CHD1: variants seen among roughly 807,000 people sequenced by gnomAD.
The protein encoded by CHD1 is ATP-dependent chromatin remodeler CHD1.
Under a neutral mutation model 224.2 loss-of-function variants are expected in CHD1, and 36 were observed. The ratio of observed to expected loss-of-function variants is 0.16; its 90% CI spans 0.12 to 0.21. The LOEUF (loss-of-function observed/expected upper bound fraction) is 0.21, where lower values mean the gene tolerates loss of function less well. Among genes scored for constraint, CHD1 ranks in the 10% least tolerant of loss-of-function variants. The probability of loss-of-function intolerance (pLI) is 1.00; values close to 1 mark genes in which losing one functional copy is unlikely to be tolerated. For missense variants in CHD1, 1,378 were observed against 1,994.8 expected, an observed-to-expected ratio of 0.69 and a Z score of 5.89; for synonymous variants, 668 against 658.3, an observed-to-expected ratio of 1.01 and a Z score of -0.23.
intron 3 of CHD1, among the ~76,000 whole-genome samples, chr5:98,904,181 CAT>C (rs536019382): frequency 2.0e-5 from 3 of 152,148 alleles, no homozygotes; most frequent in Non-Finnish European, 4.4e-5. Context: ...TAGTGCTACT[CAT>C]AGTGTGGTTA....
chr5:98,893,658 A>C (rs750247977), intron 13 of CHD1, 52 bp from the exon 14 acceptor site: 2 of 1,166,360 alleles, frequency 1.7e-6, no homozygotes, highest in East Asian at 5.1e-5. Context: ...ATTCAAATTT[A>C]GCCTTCCCAT....
intron 2 of CHD1, among the ~76,000 whole-genome samples, chr5:98,921,105 T>C (rs1479916626): frequency 1.3e-5 from 2 of 152,192 alleles, no homozygotes; most frequent in East Asian, 1.9e-4. Context: ...ATCTGGAAAG[T>C]GGGAATCATA....
chr5:98,885,083 T>C (rs144830429), intron 18 of CHD1, among the ~76,000 whole-genome samples: 1,872 of 152,166 alleles, frequency 0.012, 20 homozygotes, highest in Non-Finnish European at 0.02. Flanking sequence ...GCTGAAACAT[T>C]ATTGATAATA....
rs577750377 is a variant in CHD1 at position 98,854,190 on chromosome 5, A to T, written c.*2190T>A. The T allele has an allele frequency of 3.0e-4, 45 of 152,008 alleles. No homozygotes were observed. Among genetic ancestry groups the T allele is most frequent in the African/African-American group, 1.1e-3 (45 of 41,482 alleles). 9.4% of individuals were successfully genotyped at this position (152,008 alleles called of 1,614,324 possible). On this transcript the variant is annotated 3_prime_UTR_variant, in exon 36 of 36. Transcript: ENST00000614616. The stretch of plus-strand genomic sequence containing the variant: ...TCTTAATTTTTCTGATTTCTTACAA[A>T]AATGAACATATTTTATCATTTGATA...
chr5:98,893,252 G>GT (rs1242556811), intron 14 of CHD1, among the ~76,000 whole-genome samples, 164 bp downstream of exon 14: 1 of 152,088 alleles, frequency 6.6e-6, no homozygotes, highest in Non-Finnish European at 1.5e-5. Flanking sequence ...AATTCAAATA[G>GT]TATTACAAAC....
At chr5:98,910,342 T>C (rs560073123) in intron 2 of CHD1, among the ~76,000 whole-genome samples, 55 of 152,316 alleles carry the variant, frequency 3.6e-4, no homozygotes, top group Admixed American at 7.2e-4. Context: ...TGCAATTCTT[T>C]TTGTTTTCAG....
rs764561824 is a variant in CHD1 at position 98,902,981 on chromosome 5, A to C, written c.373-17T>G. Reference sequence around the variant, plus strand: ...AGAGGAATCCTGTAGAAAAGAAATAAAGTCAGTATCATCCACTAATGATTA... The same window carrying C: ...AGAGGAATCCTGTAGAAAAGAAATACAGTCAGTATCATCCACTAATGATTA... On this transcript the variant is annotated splice_polypyrimidine_tract_variant and intron_variant, in intron 4 of 35. Coordinates refer to ENST00000614616, the MANE Select transcript of CHD1 (RefSeq NM_001270.4). 1.3e-6 allele frequency: 2 copies of C among 1,506,722 alleles called. No homozygotes were observed. Among genetic ancestry groups the C allele is most frequent in the Non-Finnish European group, 1.8e-6 (2 of 1,088,782 alleles). 93.3% of individuals were successfully genotyped at this position (1,506,722 alleles called of 1,614,324 possible).
At chr5:98,885,276 C>T (rs1484377505) in intron 18 of CHD1, among the ~76,000 whole-genome samples, 1 of 152,066 alleles carries the variant, frequency 6.6e-6, no homozygotes, top group African/African-American at 2.4e-5. Flanking sequence ...CCTGTAATCC[C>T]AGCTACTTGT....
chr5:98,903,013 A>T lies in CHD1; in HGVS notation c.373-49T>A, dbSNP rs749060260. On this transcript the variant is annotated intron_variant, in intron 4 of 35. Transcript: ENST00000614616. Reference sequence around the variant, plus strand: ...TATCATCCACTAATGATTAGAATTTAACCATATTAAATTTTTATTTGCTAT... The same window carrying T: ...TATCATCCACTAATGATTAGAATTTTACCATATTAAATTTTTATTTGCTAT... 7 of 1,152,726 alleles carry T rather than the reference A, an allele frequency of 6.1e-6. No homozygotes were observed. In the East Asian group the frequency reaches 1.7e-4, roughly 28 times the overall value. 71.4% of individuals were successfully genotyped at this position (1,152,726 alleles called of 1,614,324 possible).
chr5:98,926,596 T>C (rs76510485), intron 1 of CHD1, 62 bp from the exon 2 acceptor site: 10,656 of 354,882 alleles, frequency 0.03, 190 homozygotes, highest in Non-Finnish European at 0.039. Context: ...AATTAAGCCC[T>C]GTCTAAAACG....
intron 2 of CHD1, among the ~76,000 whole-genome samples, chr5:98,922,869 G>A (rs1753195183): frequency 6.6e-6 from 1 of 152,030 alleles, no homozygotes; most frequent in Non-Finnish European, 1.5e-5. Context: ...CATGCCTGTA[G>A]TCCCAGCTAC....
At chr5:98,920,173 T>C (rs1752998123) in intron 2 of CHD1, among the ~76,000 whole-genome samples, 1 of 152,136 alleles carries the variant, frequency 6.6e-6, no homozygotes, top group Admixed American at 6.5e-5. Flanking sequence ...CATAAATCCA[T>C]ACATATATAA....
At position 98,854,712 on chromosome 5, in the gene CHD1, G is replaced by A. The variant is rs1747894855; in HGVS notation, c.*1668C>T. On this transcript the variant is annotated 3_prime_UTR_variant, in exon 36 of 36. Transcript: ENST00000614616. ...AGCTTTTATACACATAAACCTAATT[G>A]GACAAAGGAAAATATTAAAAAATAC... 1.3e-5 allele frequency: 2 copies of A among 151,836 alleles called. No homozygotes were observed. 9.4% of individuals were successfully genotyped at this position (151,836 alleles called of 1,614,324 possible).
chr5:98,868,314 G>A (rs1162473747), intron 31 of CHD1, among the ~76,000 whole-genome samples, 181 bp downstream of exon 31: 1 of 125,966 alleles, frequency 7.9e-6, no homozygotes, highest in Non-Finnish European at 1.6e-5. Flanking sequence ...GCGACAGTGA[G>A]ATGCTAACTC....
At chr5:98,893,779 A>G (rs1017135651) in intron 13 of CHD1, among the ~76,000 whole-genome samples, 173 bp from the exon 14 acceptor site, 1 of 152,188 alleles carries the variant, frequency 6.6e-6, no homozygotes, top group African/African-American at 2.4e-5. Flanking sequence ...AACTCAGCAC[A>G]TATTCCTTCT....
In CHD1 at chr5:98,899,679, C is replaced by T; in HGVS notation, c.886G>A (p.Ala296Thr). Reference sequence around the variant, plus strand: ...TTTGGGTCACCATCTGCTTCAACTGCATAGATGGTTGTAGTAGCACCAGTA... The same window carrying T: ...TTTGGGTCACCATCTGCTTCAACTGTATAGATGGTTGTAGTAGCACCAGTA... ...GATGATTTIY[A>T]VEADGDPNAG... Residue 296 changes from alanine (A) to threonine (T), a missense_variant, in exon 8 of 36, where the codon GCA becomes ACA. By Grantham distance (58) the Ala-to-Thr change is moderately conservative. Coordinates refer to ENST00000614616, the MANE Select transcript of CHD1 (RefSeq NM_001270.4). 2.5e-6 allele frequency: 4 copies of T among 1,613,370 alleles called. No homozygotes were observed. Among genetic ancestry groups the T allele is most frequent in the Non-Finnish European group, 3.4e-6 (4 of 1,179,612 alleles).
At position 98,889,217 on chromosome 5, in the gene CHD1, G is replaced by A. The variant is rs767741479; in HGVS notation, c.2202C>T (p.Tyr734=). ...QYYKWILTRN[Y]KALSKGSKGS... ...CCTTGGAACCTTTGCTGAGGGCTTT[G>A]TAATTCCTAGTTAAAATCCATCTTA... Residue 734 remains tyrosine (Y), a synonymous_variant, in exon 16 of 36, where the codon TAC becomes TAT. Coordinates refer to ENST00000614616, the MANE Select transcript of CHD1 (RefSeq NM_001270.4). 2 of 1,577,950 alleles carry A rather than the reference G, an allele frequency of 1.3e-6. No homozygotes were observed. Among genetic ancestry groups the A allele is most frequent in the Non-Finnish European group, 8.6e-7 (1 of 1,166,872 alleles).
Position 98,856,115 on chromosome 5 carries a change from T to G in CHD1, c.*265A>C. 2 of 284,058 alleles carry G rather than the reference T, an allele frequency of 7.0e-6. No homozygotes were observed. The highest frequency in any genetic ancestry group is 1.4e-5 in the Non-Finnish European group (2 of 147,036). The allele number at this position is 284,058 out of a possible 1,614,324, so 17.6% of individuals were successfully genotyped here. On this transcript the variant is annotated 3_prime_UTR_variant, in exon 36 of 36. Transcript: ENST00000614616. ...TATGGGAGGGCAGTGTTGAGGTCCCTGTAATAGTAAACATTTTCCATTTCT... is the reference window on the plus strand; with the variant it reads ...TATGGGAGGGCAGTGTTGAGGTCCCGGTAATAGTAAACATTTTCCATTTCT...
In CHD1 at chr5:98,858,375, T is replaced by C. The variant is rs756295608; in HGVS notation, c.4592A>G (p.Lys1531Arg). The change falls in exon 35 of 36, where the codon AAA becomes AGA. Residue 1531 changes from lysine (K) to arginine (R), a missense_variant. Lys to Arg is a conservative substitution (Grantham distance 26). This residue lies in a region of CHD1 where 278 missense variants were observed against 298.5 expected (regional missense o/e 0.93). Transcript: ENST00000614616. ...VIRNPDVERL[K>R]ENTNHDDSSR... The stretch of plus-strand genomic sequence containing the variant: ...GCTATCATCGTGATTTGTATTCTCT[T>C]TTAATCTTTCCACATCTGTTAGATA... 3.7e-6 allele frequency: 6 copies of C among 1,612,470 alleles called. No homozygotes were observed. Among genetic ancestry groups the C allele is most frequent in the Admixed American group, 3.3e-5 (2 of 59,994 alleles).
Sources: gnomAD v4.1 joint callset for allele counts (sites outside exome capture counted in the v4.1 genomes callset) on GRCh38, gnomAD v4.1.1 for gene constraint, gnomAD v4.1.1 regional missense constraint, MANE v1.5 for transcripts, NCBI Gene and HGNC (gene_info 2026-07-23, HGNC 2026-07-21) for gene names.